Variants in MMP16 observed in about 807,000 individuals in gnomAD.
The protein encoded by MMP16 is matrix metallopeptidase 16.
Under a neutral mutation model 67.8 loss-of-function variants are expected in MMP16, and 12 were observed. The observed-to-expected ratio is 0.18, with a 90% CI of 0.11 to 0.29. The LOEUF (loss-of-function observed/expected upper bound fraction) is 0.29. MMP16 is among the 10% of genes least tolerant of loss of function. The probability of loss-of-function intolerance (pLI) is 1.00; values close to 1 mark genes in which losing one functional copy is unlikely to be tolerated. For synonymous variants in MMP16, 249 were observed against 255.9 expected, an observed-to-expected ratio of 0.97 and a Z score of 0.26; for missense variants, 475 against 765.7, an observed-to-expected ratio of 0.62 and a Z score of 4.48.
intron 6 of MMP16, among the ~76,000 whole-genome samples, chr8:88,090,990 T>C (rs1236602459): frequency 6.6e-6 from 1 of 151,940 alleles, no homozygotes; most frequent in Admixed American, 6.6e-5. Flanking sequence ...TTCTCTTTCC[T>C]ATTGATCCTT....
At chr8:88,067,078 C>A (rs1808472639) in intron 7 of MMP16, among the ~76,000 whole-genome samples, 1 of 151,930 alleles carries the variant, frequency 6.6e-6, no homozygotes, top group South Asian at 2.1e-4. Flanking sequence ...AATATTTCTT[C>A]AGTAAGTGGA....
rs574938966 is a variant in MMP16 at position 88,313,991 on chromosome 8, G to A, written c.132+13084C>T. ...TCCTACTGTGTTCCTCCCATACCAC[G>A]TGAAAATTCAAGATCAGATTTGGGT... On this transcript the variant is annotated intron_variant, in intron 1 of 9. Coordinates refer to ENST00000286614, the MANE Select transcript of MMP16 (RefSeq NM_005941.5). 1.3e-4 allele frequency among the ~76,000 whole-genome samples: 20 copies of A among 152,146 alleles called. No individual in the cohort carries two copies. In the South Asian group the frequency reaches 3.7e-3, roughly 28 times the overall value.
intron 6 of MMP16, among the ~76,000 whole-genome samples, chr8:88,081,648 G>A (rs1366355325): frequency 6.6e-6 from 1 of 152,022 alleles, no homozygotes; most frequent in African/African-American, 2.4e-5. Flanking sequence ...TTAAATTTAT[G>A]CATTTTTAGG....
At chr8:88,123,694 C>A (rs1322384286) in intron 4 of MMP16, among the ~76,000 whole-genome samples, 2 of 151,922 alleles carry the variant, frequency 1.3e-5, no homozygotes, top group Non-Finnish European at 2.9e-5. Flanking sequence ...ATGGAACTTG[C>A]TCAGTCAGCC....
intron 3 of MMP16, among the ~76,000 whole-genome samples, chr8:88,174,606 A>T (rs1378729939): frequency 6.6e-6 from 1 of 152,186 alleles, no homozygotes; most frequent in East Asian, 1.9e-4. Context: ...AATCATTTAA[A>T]ACATTAGATT....
Position 88,084,990 on chromosome 8 carries a change from A to G in MMP16, c.1084-10247T>C, listed in dbSNP as rs947219985. Among the ~76,000 whole-genome samples the G allele has an allele frequency of 4.6e-5, 7 of 152,070 alleles. No homozygotes were observed. The South Asian group carries it at 8.3e-4, about 18-fold the overall frequency. The stretch of plus-strand genomic sequence containing the variant: ...AACAAAAATATGTTTTGTGGCATGT[A>G]ACTAAGGGTAATATATGCTTCATTT... On this transcript the variant is annotated intron_variant, in intron 6 of 9. Transcript: ENST00000286614.
At chr8:88,317,861 C>A (rs550541263) in intron 1 of MMP16, among the ~76,000 whole-genome samples, 2 of 152,196 alleles carry the variant, frequency 1.3e-5, no homozygotes, top group African/African-American at 4.8e-5. Flanking sequence ...AACAACCAGC[C>A]AACAGGCCTA....
chr8:88,300,168 C>T (rs1811075726), intron 1 of MMP16, among the ~76,000 whole-genome samples: 1 of 152,126 alleles, frequency 6.6e-6, no homozygotes, highest in African/African-American at 2.4e-5. Context: ...ATTATAAATG[C>T]ATTCTATCAG....
intron 1 of MMP16, among the ~76,000 whole-genome samples, chr8:88,287,484 A>G (rs1426128788): frequency 2.0e-4 from 30 of 152,122 alleles, no homozygotes; most frequent in Non-Finnish European, 4.4e-4. Flanking sequence ...CACTTTGCTA[A>G]TTTTCTATTT....
intron 6 of MMP16, among the ~76,000 whole-genome samples, chr8:88,109,349 C>T (rs1014940592): frequency 1.3e-5 from 2 of 151,210 alleles, no homozygotes; most frequent in Admixed American, 1.3e-4. Flanking sequence ...ATAATTACAG[C>T]TTTCACACTT....
intron 1 of MMP16, among the ~76,000 whole-genome samples, chr8:88,263,321 T>C (rs1810419951): frequency 6.6e-6 from 1 of 152,132 alleles, no homozygotes; most frequent in East Asian, 1.9e-4. Flanking sequence ...CCACTTATCC[T>C]CTCAAATGTA....
chr8:88,113,565 C>T (rs967153501), intron 6 of MMP16, among the ~76,000 whole-genome samples: 3 of 151,584 alleles, frequency 2.0e-5, no homozygotes, highest in Non-Finnish European at 2.9e-5. Context: ...AATGTTGAAA[C>T]GGCAGAAAGA....
chr8:88,303,002 C>T (rs1343574914), intron 1 of MMP16, among the ~76,000 whole-genome samples: 5 of 152,204 alleles, frequency 3.3e-5, no homozygotes, highest in Admixed American at 2.0e-4. Context: ...CAGATCTTTG[C>T]AACCAGTGGA....
intron 3 of MMP16, among the ~76,000 whole-genome samples, chr8:88,181,456 C>T (rs1250165730): frequency 2.0e-5 from 3 of 151,538 alleles, no homozygotes; most frequent in Non-Finnish European, 4.4e-5. Flanking sequence ...AAGTAAAATA[C>T]TTAGAAATAA....
intron 2 of MMP16, among the ~76,000 whole-genome samples, chr8:88,195,652 C>T (rs950485704): frequency 6.6e-6 from 1 of 152,158 alleles, no homozygotes; most frequent in Admixed American, 6.5e-5. Context: ...TTATAGCATT[C>T]AGAGAGAATT....
At chr8:88,280,695 AGC>A (rs1308432580) in intron 1 of MMP16, among the ~76,000 whole-genome samples, 3 of 152,176 alleles carry the variant, frequency 2.0e-5, no homozygotes, top group African/African-American at 7.2e-5. Context: ...GTTCAAGACC[AGC>A]ATGGGCAACA....
At chr8:88,227,032 G>T (rs1415417205) in intron 1 of MMP16, among the ~76,000 whole-genome samples, 1 of 151,882 alleles carries the variant, frequency 6.6e-6, no homozygotes, top group East Asian at 1.9e-4. Context: ...AAACAAAAGT[G>T]ATCTAGAGAG....
At chr8:88,166,755 A>C (rs1401181081) in intron 4 of MMP16, among the ~76,000 whole-genome samples, 1 of 142,218 alleles carries the variant, frequency 7.0e-6, no homozygotes, top group Non-Finnish European at 1.5e-5. Flanking sequence ...TTTTTTAAAC[A>C]GAGGGAGTTT....
intron 1 of MMP16, among the ~76,000 whole-genome samples, chr8:88,315,102 A>AT (rs1811356824): frequency 6.6e-6 from 1 of 152,110 alleles, no homozygotes; most frequent in African/African-American, 2.4e-5. Context: ...CATTTTGTCC[A>AT]TTTTTTGGGA....
Sources: gnomAD v4.1 joint callset for allele counts (sites outside exome capture counted in the v4.1 genomes callset) on GRCh38, gnomAD v4.1.1 for gene constraint, MANE v1.5 for transcripts, NCBI Gene and HGNC (gene_info 2026-07-23, HGNC 2026-07-21) for gene names.